USP40: variants seen among roughly 807,000 people sequenced by gnomAD.
USP40 encodes ubiquitin specific peptidase 40.
A neutral mutation model predicts 166.2 loss-of-function variants in USP40; 143 were observed. The observed-to-expected ratio is 0.86, with a 90% CI of 0.75 to 0.99. The LOEUF is 0.99. Ranked by LOEUF, USP40 falls within the 50% of genes least tolerant of loss-of-function variation. The pLI is 0.00. For missense variants in USP40, 1,444 were observed against 1,479.7 expected, an observed-to-expected ratio of 0.98 and a Z score of 0.40; for synonymous variants, 498 against 524.0, an observed-to-expected ratio of 0.95 and a Z score of 0.68.
At chr2:233,545,777 G>A in intron 8 of USP40, 1 of 223,758 alleles carries the variant, frequency 4.5e-6, no homozygotes, top group Non-Finnish European at 9.3e-6. Context: ...AGTAATTGCT[G>A]AACTGTAAGT....
intron 6 of USP40, among the ~76,000 whole-genome samples, chr2:233,552,302 A>G (rs2070651393): frequency 6.6e-6 from 1 of 152,098 alleles, no homozygotes; most frequent in African/African-American, 2.4e-5. Flanking sequence ...GCATCTAAAA[A>G]AACTGAGTAA....
chr2:233,511,690 A>G lies in USP40; in HGVS notation c.2526+19T>C. The G allele has an allele frequency of 6.3e-7, 1 of 1,598,572 alleles. No homozygotes were observed. Among genetic ancestry groups the G allele is most frequent in the South Asian group, 1.1e-5 (1 of 87,932 alleles). ...ATGGAAGGGTTGATTTTGTTTTGAA[A>G]CAGGTGACCTTATTTTACCTGAGAC... On this transcript the variant is annotated intron_variant, in intron 20 of 31. Transcript: ENST00000678225.
At chr2:233,487,092 T>C (rs1345917199) in intron 28 of USP40, among the ~76,000 whole-genome samples, 2 of 152,196 alleles carry the variant, frequency 1.3e-5, no homozygotes, top group Non-Finnish European at 2.9e-5. Flanking sequence ...CTGACACAGC[T>C]TACAACCATT....
intron 18 of USP40, among the ~76,000 whole-genome samples, chr2:233,515,801 C>A (rs1005280103): frequency 6.6e-6 from 1 of 152,114 alleles, no homozygotes; most frequent in Non-Finnish European, 1.5e-5. Context: ...TGTTTTCTCC[C>A]AGAAATTTTG....
chr2:233,484,225 A>G (rs1445287055), intron 30 of USP40, among the ~76,000 whole-genome samples: 1 of 152,150 alleles, frequency 6.6e-6, no homozygotes, highest in African/African-American at 2.4e-5. Flanking sequence ...TTATGCTATT[A>G]ATTTTATTTA....
At chr2:233,489,170 T>C (rs961906392) in intron 27 of USP40, among the ~76,000 whole-genome samples, 195 bp downstream of exon 27, 3 of 152,158 alleles carry the variant, frequency 2.0e-5, no homozygotes, top group African/African-American at 4.8e-5. Flanking sequence ...CAACACTACA[T>C]TTATACTTAA....
intron 20 of USP40, among the ~76,000 whole-genome samples, chr2:233,510,553 C>T (rs1488349483): frequency 6.6e-6 from 1 of 151,858 alleles, no homozygotes; most frequent in African/African-American, 2.4e-5. Flanking sequence ...CAGGTGCATG[C>T]CACTACGCCT....
At chr2:233,541,890 A>G (rs1313979326) in intron 9 of USP40, among the ~76,000 whole-genome samples, 1 of 152,262 alleles carries the variant, frequency 6.6e-6, no homozygotes, top group Non-Finnish European at 1.5e-5. Flanking sequence ...GTTTAAAATG[A>G]CAATAATAGC....
At chr2:233,542,898 A>C (rs942670689) in intron 8 of USP40, among the ~76,000 whole-genome samples, 3 of 152,218 alleles carry the variant, frequency 2.0e-5, no homozygotes, top group Non-Finnish European at 4.4e-5. Flanking sequence ...TTTCCAGCTT[A>C]GCACTACTTT....
intron 18 of USP40, among the ~76,000 whole-genome samples, chr2:233,517,666 C>T (rs1559245188): frequency 1.3e-5 from 2 of 152,082 alleles, no homozygotes; most frequent in African/African-American, 2.4e-5. Context: ...GGATTACAGG[C>T]GTGAGCCACT....
intron 22 of USP40, 101 bp from the exon 23 acceptor site, chr2:233,498,713 C>T: frequency 1.1e-6 from 1 of 926,366 alleles, no homozygotes; most frequent in Admixed American, 2.5e-5. Flanking sequence ...ACCTTAACTT[C>T]CTTTCCAGAT....
At chr2:233,559,639 A>G (rs1192720366) in intron 4 of USP40, among the ~76,000 whole-genome samples, 172 bp downstream of exon 4, 1 of 152,210 alleles carries the variant, frequency 6.6e-6, no homozygotes, top group Non-Finnish European at 1.5e-5. Context: ...TGTATACAGC[A>G]AGTGTCTAAA....
chr2:233,547,850 G>A (rs2070133894), intron 8 of USP40, among the ~76,000 whole-genome samples: 1 of 152,158 alleles, frequency 6.6e-6, no homozygotes, highest in South Asian at 2.1e-4. Flanking sequence ...ATGTGTATCT[G>A]TGAGATTACT....
chr2:233,532,255 G>A (rs1466927650), intron 11 of USP40, among the ~76,000 whole-genome samples: 1 of 152,156 alleles, frequency 6.6e-6, no homozygotes, highest in East Asian at 1.9e-4. Context: ...CAGACTGATT[G>A]CCAGCTATGT....
chr2:233,554,077 A>C (rs991721145), intron 6 of USP40, among the ~76,000 whole-genome samples: 1 of 152,236 alleles, frequency 6.6e-6, no homozygotes, highest in Admixed American at 6.5e-5. Flanking sequence ...CAAGCTTCTC[A>C]GTGACAGAAA....
chr2:233,533,837 G>T, intron 10 of USP40, 58 bp from the exon 11 acceptor site: 1 of 1,425,820 alleles, frequency 7.0e-7, no homozygotes, highest in Non-Finnish European at 9.3e-7. Context: ...AATTAGATGT[G>T]ATTAAAAAAT....
At chr2:233,541,374 C>T (rs529641467) in intron 9 of USP40, among the ~76,000 whole-genome samples, 6 of 152,060 alleles carry the variant, frequency 3.9e-5, no homozygotes, top group African/African-American at 1.4e-4. Flanking sequence ...CATAAGAAGA[C>T]GAAGTTTGGA....
intron 4 of USP40, among the ~76,000 whole-genome samples, chr2:233,558,747 G>C (rs1436260587): frequency 2.0e-5 from 3 of 152,216 alleles, no homozygotes; most frequent in Non-Finnish European, 4.4e-5. Context: ...ACTTAAAAGA[G>C]TGAATTCTGT....
chr2:233,484,048 G>C (rs2064792200), intron 30 of USP40, among the ~76,000 whole-genome samples: 1 of 152,122 alleles, frequency 6.6e-6, no homozygotes, highest in African/African-American at 2.4e-5. Context: ...CGCCACAGCT[G>C]TGATCAGTCA....
Sources: gnomAD v4.1 joint callset for allele counts (sites outside exome capture counted in the v4.1 genomes callset) on GRCh38, gnomAD v4.1.1 for gene constraint, MANE v1.5 for transcripts, NCBI Gene and HGNC (gene_info 2026-07-23, HGNC 2026-07-21) for gene names.